Variants in WDR81 observed in about 807,000 individuals in gnomAD.
The protein encoded by WDR81 is WD repeat domain 81.
A neutral mutation model predicts 140.8 loss-of-function variants in WDR81; 92 were observed. The ratio of observed to expected loss-of-function variants is 0.65; its 90% CI spans 0.55 to 0.78. The LOEUF (loss-of-function observed/expected upper bound fraction) is 0.78, where lower values mean the gene tolerates loss of function less well. Among genes scored for constraint, WDR81 ranks in the 30% least tolerant of loss-of-function variants. The probability of loss-of-function intolerance (pLI) is 0.00; values close to 1 mark genes in which losing one functional copy is unlikely to be tolerated. For synonymous variants in WDR81, 1,183 were observed against 1,156.4 expected (o/e 1.02, Z -0.47); for missense variants, 2,502 against 2,636.4 (o/e 0.95, Z 1.12).
intron 1 of WDR81, chr17:1,716,768 G>GCT (rs1177887746): frequency 1.0e-6 from 1 of 997,654 alleles, no homozygotes; most frequent in Non-Finnish European, 1.5e-6. Flanking sequence ...TCTGCGGGAC[G>GCT]CTATAGCTCT....
In WDR81 at chr17:1,730,816, C is replaced by T. The variant is rs151223504; in HGVS notation, c.3837C>T (p.Asn1279=). The change falls in exon 3 of 10, where the codon AAC becomes AAT. Residue 1279 remains asparagine, a synonymous_variant. Coordinates refer to ENST00000409644, the MANE Select transcript of WDR81 (RefSeq NM_001163809.2). ...AGAGCCCACCGCTGAGCGCCGGCAA[C>T]ATCTACCAGAAGAGGCCGGTCCTGG... ...SGESPPLSAG[N]IYQKRPVLGD... 61 of 1,612,528 alleles carry T rather than the reference C, an allele frequency of 3.8e-5. No homozygotes were observed. The highest frequency in any genetic ancestry group is 4.9e-5 in the Non-Finnish European group (58 of 1,179,976).
At chr17:1,732,533 G>T in intron 5 of WDR81, 43 bp downstream of exon 5, 1 of 1,599,024 alleles carries the variant, frequency 6.3e-7, no homozygotes. Flanking sequence ...GGCGGGGGCT[G>T]TGGACCTGGG....
chr17:1,734,173 G>A lies in WDR81; in HGVS notation c.5136G>A (p.Val1712=), dbSNP rs1172286619. 1.3e-6 allele frequency: 2 copies of A among 1,597,282 alleles called. No homozygotes were observed. The highest frequency in any genetic ancestry group is 1.1e-5 in the South Asian group (1 of 90,932). The stretch of plus-strand genomic sequence containing the variant: ...GCCAGCTTGAGGCCCCGCAGCACGT[G>A]GTGAGCTGTGACGGGGCTGTGCACG... The part of the protein sequence containing the change: ...FVGQLEAPQH[V]VSCDGAVHVW... The change falls in exon 7 of 10, where the codon GTG becomes GTA. Residue 1712 remains valine, a synonymous_variant. Coordinates refer to ENST00000409644, the MANE Select transcript of WDR81 (RefSeq NM_001163809.2).
At chr17:1,733,255 C>T (rs1057405526) in intron 6 of WDR81, among the ~76,000 whole-genome samples, 3 of 152,196 alleles carry the variant, frequency 2.0e-5, no homozygotes, top group Non-Finnish European at 4.4e-5. Flanking sequence ...GAAATCTAAG[C>T]TTGGGAGGCC....
At chr17:1,723,196 T>C (rs1320311135), upstream of WDR81, among the ~76,000 whole-genome samples, 2 of 152,100 alleles carry the variant, frequency 1.3e-5, no homozygotes, top group African/African-American at 4.8e-5. Flanking sequence ...CTGTCTGGTT[T>C]CTATTCCATA....
rs955272686 is a variant in WDR81, at chr17:1,735,490, C to T, written c.5180-82C>T. ...CCCTGGGGGACGGGAGGCAGGTGTGCGGTGAGTTGGGGGATTAGAAGCTCC... is the reference window on the plus strand; with the variant it reads ...CCCTGGGGGACGGGAGGCAGGTGTGTGGTGAGTTGGGGGATTAGAAGCTCC... On this transcript the variant is annotated intron_variant, in intron 7 of 9. Coordinates refer to ENST00000409644, the MANE Select transcript of WDR81 (RefSeq NM_001163809.2). This position sits in a 1 kb window ranked among gnomAD's most constrained non-coding sequence, Gnocchi z 4.2. 98 of 1,357,098 alleles carry T rather than the reference C, an allele frequency of 7.2e-5. No individual in the cohort carries two copies. Among genetic ancestry groups the T allele is most frequent in the Admixed American group, 1.1e-4 (4 of 36,642 alleles). 84.1% of individuals were successfully genotyped at this position (1,357,098 alleles called of 1,614,324 possible).
chr17:1,733,045 T>C, intron 6 of WDR81: 1 of 592,646 alleles, frequency 1.7e-6, no homozygotes, highest in Non-Finnish European at 2.8e-6. Flanking sequence ...GAAGCTGGCC[T>C]GTAGTGTCCC....
At position 1,727,271 on chromosome 17, in the gene WDR81, T is replaced by C. The variant is rs1597288966; in HGVS notation, c.2312T>C (p.Met771Thr). 5 of 1,550,284 alleles carry C rather than the reference T, an allele frequency of 3.2e-6. No homozygotes were observed. The highest frequency in any genetic ancestry group is 3.5e-6 in the Non-Finnish European group (4 of 1,146,952). Residue 771 changes from methionine (M) to threonine (T), a missense_variant, in exon 1 of 10, where the codon ATG becomes ACG. Physicochemically the swap from Met to Thr is moderately conservative, Grantham distance 81 (BLOSUM62 -1). Coordinates refer to ENST00000409644, the MANE Select transcript of WDR81 (RefSeq NM_001163809.2). Reference protein sequence around the residue: ...VPLQCLLHRDMQALGVLLAEM... With the variant: ...VPLQCLLHRDTQALGVLLAEM... ...CTGCAGTGCCTACTCCACAGGGACATGCAGGCGCTGGGTGTCCTATTGGCA... is the reference window on the plus strand; with the variant it reads ...CTGCAGTGCCTACTCCACAGGGACACGCAGGCGCTGGGTGTCCTATTGGCA...
chr17:1,730,619 T>C lies in WDR81; in HGVS notation c.3775+132T>C, dbSNP rs1915629034. The C allele has an allele frequency of 3.6e-6, 5 of 1,405,164 alleles. No homozygotes were observed. The African/African-American group carries it at 5.7e-5, about 16-fold the overall frequency. 87.0% of individuals were successfully genotyped at this position (1,405,164 alleles called of 1,614,324 possible). A position where few individuals can be genotyped will look rare whatever the true frequency, so the allele number is the denominator to read the frequency against. On this transcript the variant is annotated intron_variant, in intron 2 of 9. Transcript: ENST00000409644. ...CCCCCGGCCAGGTGCTGGGTCCCAG[T>C]CTAAGTGCCAGCCTTGGGTAGGGCC...
rs1439415725 is a variant in WDR81, at chr17:1,725,383, G to T, written c.424G>T (p.Val142Phe). 2 of 1,549,546 alleles carry T rather than the reference G, an allele frequency of 1.3e-6. No individual in the cohort carries two copies. Among genetic ancestry groups the T allele is most frequent in the Non-Finnish European group, 1.7e-6 (2 of 1,146,992 alleles). Residue 142 changes from valine to phenylalanine, a missense_variant, in exon 1 of 10, where the codon GTT becomes TTT. By Grantham distance (50) the Val-to-Phe change is conservative (BLOSUM62 -1). This residue lies in a region of WDR81 where 547 missense variants were observed against 513.8 expected (regional missense o/e 1.06). Transcript: ENST00000409644. ...GACCCTCACTCGCTTCATGCAGGAG[G>T]TTGCCGCCCAGAATTATCGCAACCT... is the stretch of plus-strand genomic sequence containing the variant. ...PETLTRFMQEVAAQNYRNLWR... is the reference protein window; with the variant it reads ...PETLTRFMQEFAAQNYRNLWR...
At chr17:1,720,488 C>G (rs974741559), upstream of WDR81, among the ~76,000 whole-genome samples, 18 of 152,116 alleles carry the variant, frequency 1.2e-4, no homozygotes, top group African/African-American at 4.1e-4. Flanking sequence ...AGAATTATGC[C>G]CTAAAGGGCC....
At chr17:1,732,079 C>G (rs527536135) in intron 4 of WDR81, among the ~76,000 whole-genome samples, 1 of 151,518 alleles carries the variant, frequency 6.6e-6, no homozygotes, top group East Asian at 1.9e-4. Context: ...ACTAAAAATA[C>G]AAAAAAAATT....
Position 1,730,420 on chromosome 17 carries a change from C to T in WDR81, c.3708C>T (p.Leu1236=), listed in dbSNP as rs148065606. The change falls in exon 2 of 10, where the codon CTC becomes CTT. Residue 1236 remains leucine, a synonymous_variant. Transcript: ENST00000409644. ...TGGTCCGCTGGCTGTCTGCCAAGCT[C>T]GGCCCCACAGTGGCCTCTCGCCACG... is the stretch of plus-strand genomic sequence containing the variant. ...CKMVRWLSAK[L]GPTVASRHVA... is the part of the protein sequence containing the mutation. 18 of 1,613,192 alleles carry T rather than the reference C, an allele frequency of 1.1e-5. No homozygotes were observed. Among genetic ancestry groups the T allele is most frequent in the Middle Eastern group, 1.7e-4 (1 of 6,056 alleles).
chr17:1,730,258 C>T, intron 1 of WDR81, 122 bp from the exon 2 acceptor site: 1 of 776,198 alleles, frequency 1.3e-6, no homozygotes, highest in Non-Finnish European at 2.0e-6. Context: ...GACAGCCGGC[C>T]CGGGCTGGGC....
chr17:1,729,362 C>T (rs1481987776), intron 1 of WDR81, among the ~76,000 whole-genome samples: 1 of 151,914 alleles, frequency 6.6e-6, no homozygotes. Flanking sequence ...CACCTGTAAT[C>T]CCAGCTATTC....
rs750721814 is a variant in WDR81 at position 1,737,571 on chromosome 17, C to T, written c.5712C>T (p.Thr1904=). Residue 1904 remains threonine, a synonymous_variant, in exon 10 of 10, where the codon ACC becomes ACT. Coordinates refer to ENST00000409644, the MANE Select transcript of WDR81 (RefSeq NM_001163809.2). ...TGCTTGAGCCACCCTCGCAGGCCAC[C>T]ACGAAGCTCAGCTCTGAGAACTTCC... The part of the protein sequence containing the change: ...CSLLEPPSQA[T]TKLSSENFRG... 7 of 1,612,792 alleles carry T rather than the reference C, an allele frequency of 4.3e-6. No individual in the cohort carries two copies. The highest frequency in any genetic ancestry group is 1.1e-5 in the South Asian group (1 of 91,092).
At chr17:1,729,804 T>C (rs949868271) in intron 1 of WDR81, among the ~76,000 whole-genome samples, 1 of 151,740 alleles carries the variant, frequency 6.6e-6, no homozygotes, top group East Asian at 2.0e-4. Flanking sequence ...CTACTAAAAA[T>C]ACAAAAACTT....
Position 1,728,220 on chromosome 17 carries a change from C to T in WDR81, c.3261C>T (p.Ala1087=), listed in dbSNP as rs146945580. 2.1e-5 allele frequency: 34 copies of T among 1,605,630 alleles called. No individual in the cohort carries two copies. The highest frequency in any genetic ancestry group is 1.3e-4 in the East Asian group (6 of 44,696). The change falls in exon 1 of 10, where the codon GCC becomes GCT. Residue 1087 remains alanine (A), a synonymous_variant. Coordinates refer to ENST00000409644, the MANE Select transcript of WDR81 (RefSeq NM_001163809.2). ...ADLPETEDFQ[A]GLYVTESPQP... is the part of the protein sequence containing the mutation. ...TCCCTGAGACAGAGGACTTCCAAGC[C>T]GGGCTCTATGTGACTGAGTCTCCCC... is the stretch of plus-strand genomic sequence containing the variant.
chr17:1,733,888 G>A lies in WDR81; in HGVS notation c.4851G>A (p.Trp1617Ter). ...PRSVHGLSGN[W>*]LAYWQYEIGV... is the part of the protein sequence containing the mutation. ...GCGTGCACGGGCTGAGCGGAAACTG[G>A]CTGGCGTACTGGCAGTACGAGATCG... Residue 1617 changes from tryptophan to a stop codon, truncating the protein, a stop_gained, in exon 7 of 10, where the codon TGG (tryptophan) becomes TGA (stop). Coordinates refer to ENST00000409644, the MANE Select transcript of WDR81 (RefSeq NM_001163809.2). LOFTEE classifies it high-confidence loss of function. 1 of 1,612,774 alleles carries A rather than the reference G, an allele frequency of 6.2e-7. No individual in the cohort carries two copies. Among genetic ancestry groups the A allele is most frequent in the Non-Finnish European group, 8.5e-7 (1 of 1,179,946 alleles).
Sources: allele counts gnomAD v4.1 joint callset (sites outside exome capture counted in the v4.1 genomes callset), GRCh38; gene constraint gnomAD v4.1.1; regional missense constraint gnomAD v4.1.1; non-coding constraint Gnocchi (gnomAD v3.1); transcripts MANE v1.5; gene names NCBI Gene and HGNC (gene_info 2026-07-23, HGNC 2026-07-21).